DAB2IP: variants seen among roughly 807,000 people sequenced by gnomAD.
The protein encoded by DAB2IP is disabled homolog 2-interacting protein.
A neutral mutation model predicts 107.2 loss-of-function variants in DAB2IP; 28 were observed. The ratio of observed to expected loss-of-function variants is 0.26; its 90% CI spans 0.19 to 0.36. The LOEUF is 0.36. Ranked by LOEUF, DAB2IP falls within the 10% of genes least tolerant of loss-of-function variation. The probability of loss-of-function intolerance (pLI) is 1.00; values close to 1 mark genes in which losing one functional copy is unlikely to be tolerated. For synonymous variants in DAB2IP, 755 were observed against 706.4 expected (o/e 1.07, Z -1.09); for missense variants, 1,400 against 1,644.7 (o/e 0.85, Z 2.57).
intron 8 of DAB2IP, among the ~76,000 whole-genome samples, chr9:121,764,107 G>A (rs1412137110): frequency 1.7e-4 from 26 of 152,268 alleles, no homozygotes; most frequent in Admixed American, 1.7e-3. Context: ...CTGGTGATGA[G>A]GGAGCGCCCT....
intron 1 of DAB2IP, among the ~76,000 whole-genome samples, chr9:121,581,256 G>C (rs1477513948): frequency 1.3e-5 from 2 of 152,176 alleles, no homozygotes; most frequent in African/African-American, 4.8e-5. Context: ...AGGGGGTAGT[G>C]GGGTTCCTGG....
intron 2 of DAB2IP, among the ~76,000 whole-genome samples, chr9:121,695,512 C>A (rs571087197): frequency 1.6e-4 from 24 of 152,334 alleles, no homozygotes; most frequent in African/African-American, 5.1e-4. Context: ...CAGTAATCGG[C>A]CCACAGCTTG....
chr9:121,756,862 C>T, intron 3 of DAB2IP, 151 bp from the exon 4 acceptor site: 3 of 1,050,744 alleles, frequency 2.9e-6, no homozygotes, highest in Middle Eastern at 3.1e-4. Flanking sequence ...GACAGCCCTG[C>T]CCCCAGATCT....
intron 6 of DAB2IP, among the ~76,000 whole-genome samples, chr9:121,762,464 C>A (rs1166882969): frequency 1.3e-5 from 2 of 152,206 alleles, no homozygotes; most frequent in African/African-American, 4.8e-5. Flanking sequence ...CCTCAGGCCA[C>A]ATGATCCCCA....
chr9:121,756,956 G>A (rs1833538009), intron 3 of DAB2IP, 57 bp from the exon 4 acceptor site: 3 of 1,610,664 alleles, frequency 1.9e-6, no homozygotes, highest in Middle Eastern at 2.0e-4. Context: ...GTGGGACATG[G>A]CAACCAGCTT....
intron 1 of DAB2IP, among the ~76,000 whole-genome samples, chr9:121,604,896 T>G (rs1240300146): frequency 6.6e-6 from 1 of 152,192 alleles, no homozygotes; most frequent in African/African-American, 2.4e-5. Context: ...ACCCCCCTCC[T>G]CAACAGAGTC....
chr9:121,649,934 G>C (rs889229860), upstream of DAB2IP, among the ~76,000 whole-genome samples: 3 of 152,250 alleles, frequency 2.0e-5, no homozygotes, highest in African/African-American at 4.8e-5. Context: ...TGTGGCCCAG[G>C]ATGGCTTTGA....
chr9:121,587,023 G>T (rs763163547), intron 1 of DAB2IP, among the ~76,000 whole-genome samples: 1 of 152,208 alleles, frequency 6.6e-6, no homozygotes, highest in African/African-American at 2.4e-5. Flanking sequence ...GGCAGCGGGG[G>T]TGTCAGCATT....
At chr9:121,625,124 T>C (rs1454068057) in intron 1 of DAB2IP, among the ~76,000 whole-genome samples, 3 of 152,186 alleles carry the variant, frequency 2.0e-5, no homozygotes, top group African/African-American at 7.2e-5. Flanking sequence ...TTTCCCCATA[T>C]TTTACAGAGG....
At chr9:121,726,726 G>T (rs1009553834) in intron 3 of DAB2IP, among the ~76,000 whole-genome samples, 1 of 152,196 alleles carries the variant, frequency 6.6e-6, no homozygotes, top group African/African-American at 2.4e-5. Context: ...GGTGTTGGAA[G>T]TATTCTGCTT....
chr9:121,582,051 G>C (rs1293950328), intron 1 of DAB2IP, among the ~76,000 whole-genome samples: 1 of 152,234 alleles, frequency 6.6e-6, no homozygotes, highest in Admixed American at 6.5e-5. Context: ...GGGGCCGTGG[G>C]GGGAAGTGAG....
chr9:121,590,315 T>A (rs1830400260), intron 1 of DAB2IP, among the ~76,000 whole-genome samples: 1 of 151,172 alleles, frequency 6.6e-6, no homozygotes, highest in Non-Finnish European at 1.5e-5. Flanking sequence ...ATTCATACTA[T>A]CCCTGCTCCA....
intron 1 of DAB2IP, among the ~76,000 whole-genome samples, chr9:121,620,328 T>C (rs1322403438): frequency 1.3e-5 from 2 of 148,822 alleles, no homozygotes; most frequent in Non-Finnish European, 3.0e-5. Flanking sequence ...CCTTCCACAC[T>C]GAAAATGCCA....
chr9:121,586,757 C>A (rs778690663), intron 1 of DAB2IP, among the ~76,000 whole-genome samples: 1 of 151,606 alleles, frequency 6.6e-6, no homozygotes, highest in Non-Finnish European at 1.5e-5. Flanking sequence ...GAGGTGGAGG[C>A]TGTAGTGAGC....
In DAB2IP at chr9:121,736,780, C is replaced by T. The variant is rs1831958376; in HGVS notation, c.363-20233C>T. 6.6e-6 allele frequency among the ~76,000 whole-genome samples: 1 copy of T among 152,254 alleles called. No homozygotes were observed. The highest frequency in any genetic ancestry group is 2.4e-5 in the African/African-American group (1 of 41,462). On this transcript the variant is annotated intron_variant, in intron 3 of 15. Coordinates refer to ENST00000408936, the Ensembl canonical transcript of DAB2IP. This position sits in a 1 kb window ranked among gnomAD's most constrained non-coding sequence, Gnocchi z 4.6. The stretch of plus-strand genomic sequence containing the variant: ...AAATGCATTCATTCATTCAGTACAT[C>T]TGTCGAGTGTCTACTCTGTGCCAGG...
At chr9:121,759,972 C>G (rs750000351) in exon 6 of DAB2IP, 10 of 1,614,206 alleles carry the variant, frequency 6.2e-6, no homozygotes, top group Non-Finnish European at 8.5e-6. Context: ...CCTGTGCGAG[C>G]TGTGCCTGGA....
rs188043312 is a variant in DAB2IP at position 121,776,523 on chromosome 9, C to A, written c.3314+132C>A. The A allele has an allele frequency of 7.3e-6, 8 of 1,100,766 alleles. No homozygotes were observed. In the East Asian group the frequency reaches 2.1e-4, roughly 29 times the overall value. 68.2% of individuals were successfully genotyped at this position (1,100,766 alleles called of 1,614,324 possible). A position where few individuals can be genotyped will look rare whatever the true frequency, so the allele number is the denominator to read the frequency against. On this transcript the variant is annotated intron_variant, in intron 14 of 15. Transcript: ENST00000408936. The surrounding 1 kb of genome is among the most constrained non-coding windows in gnomAD (Gnocchi z 5.4). ...GTGGAGAGAGGAGGGAAGAGAGTGT[C>A]TGGGCAGTGGGAGCAGCGTGAGCAC...
intron 1 of DAB2IP, among the ~76,000 whole-genome samples, chr9:121,642,459 G>C (rs1832387531): frequency 6.7e-6 from 1 of 150,184 alleles, no homozygotes; most frequent in African/African-American, 2.4e-5. Flanking sequence ...GCAATTACAG[G>C]CGTGAGCCAC....
upstream of DAB2IP, among the ~76,000 whole-genome samples, chr9:121,648,579 A>C (rs1022553510): frequency 6.6e-6 from 1 of 152,140 alleles, no homozygotes; most frequent in African/African-American, 2.4e-5. Context: ...CCTAGTACCC[A>C]CACCCCTACT....
Sources: gnomAD v4.1 joint callset for allele counts (sites outside exome capture counted in the v4.1 genomes callset) on GRCh38, gnomAD v4.1.1 for gene constraint, Gnocchi (gnomAD v3.1) non-coding constraint, MANE v1.5 for transcripts, NCBI Gene and HGNC (gene_info 2026-07-23, HGNC 2026-07-21) for gene names.